Variants in FOXO3 observed in about 807,000 individuals in gnomAD.
FOXO3 encodes the protein forkhead box O3.
In FOXO3, 4 loss-of-function variants were observed where a neutral mutation model predicts 41.9. The ratio of observed to expected loss-of-function variants is 0.10; its 90% CI spans 0.05 to 0.22. The LOEUF (loss-of-function observed/expected upper bound fraction) is 0.22. Among genes scored for constraint, FOXO3 ranks in the 10% least tolerant of loss-of-function variants. FOXO3 has a pLI of 1.00. For missense variants in FOXO3, 534 were observed against 906.8 expected, an observed-to-expected ratio of 0.59 and a Z score of 5.28; for synonymous variants, 318 against 389.3, an observed-to-expected ratio of 0.82 and a Z score of 2.16.
At chr6:108,656,588 G>A (rs894734308) in intron 1 of FOXO3, 2 of 853,090 alleles carry the variant, frequency 2.3e-6, no homozygotes, top group African/African-American at 1.8e-5. Context: ...TCTAACAGTT[G>A]TTGGGAGCTG....
At chr6:108,565,385 CA>C (rs1421019632) in intron 1 of FOXO3, among the ~76,000 whole-genome samples, 1 of 152,192 alleles carries the variant, frequency 6.6e-6, no homozygotes, top group Non-Finnish European at 1.5e-5. Context: ...GAAAAGGTTA[CA>C]TTTCCTTTAA....
chr6:108,656,241 AT>A (rs1464538115), intron 1 of FOXO3: 1 of 343,114 alleles, frequency 2.9e-6, no homozygotes, highest in African/African-American at 2.2e-5. Flanking sequence ...AAGTGAGCAG[AT>A]TTCTTGTTGT....
rs71015551 is a variant in FOXO3, at chr6:108,569,987, G to GTTTTTTTT, written c.621+8181_621+8188dup. On this transcript the variant is annotated intron_variant, in intron 1 of 2. Coordinates refer to ENST00000406360, the MANE Select transcript of FOXO3 (RefSeq NM_001455.4). ...TCCACATCATGTTTTCCCTTGCGTGGTTTTTTTTTTTTTTTTTTTTTTTTT... is the reference window on the plus strand; with the variant it reads ...TCCACATCATGTTTTCCCTTGCGTGGTTTTTTTTTTTTTTTTTTTTTTTTTTTTTTTTT... Among the ~76,000 whole-genome samples the GTTTTTTTT allele has an allele frequency of 3.8e-3, 277 of 73,252 alleles. 35 individuals are homozygous for GTTTTTTTT. Among genetic ancestry groups the GTTTTTTTT allele is most frequent in the East Asian group, 8.4e-3 (21 of 2,496 alleles). 48.1% of individuals were successfully genotyped at this position (73,252 alleles called of 152,430 possible). A position where few individuals can be genotyped will look rare whatever the true frequency, so the allele number is the denominator to read the frequency against.
At chr6:108,610,879 GAA>G (rs1484292190) in intron 1 of FOXO3, among the ~76,000 whole-genome samples, 3 of 152,112 alleles carry the variant, frequency 2.0e-5, no homozygotes, top group African/African-American at 7.2e-5. Flanking sequence ...GTTGTAATTT[GAA>G]AACACTGAAA....
intron 1 of FOXO3, among the ~76,000 whole-genome samples, chr6:108,607,039 T>A (rs112928189): frequency 0.037 from 5,639 of 152,318 alleles, 149 homozygotes; most frequent in Middle Eastern, 0.095. Flanking sequence ...TTCTCAGACT[T>A]GGGGAATTTA....
upstream of FOXO3, chr6:108,560,146 G>GTTT (rs1445759029): frequency 6.6e-6 from 1 of 152,458 alleles, no homozygotes; most frequent in Non-Finnish European, 1.5e-5. Context: ...GCCCGCTAGT[G>GTTT]TTTTTAAAGG....
At chr6:108,560,833 TGCGGCTGG>T (rs1191970185), upstream of FOXO3, 1 of 481,542 alleles carries the variant, frequency 2.1e-6, no homozygotes, top group Non-Finnish European at 3.1e-6. Flanking sequence ...GGGAGGGACC[TGCGGCTGG>T]GCGGCGGGGG....
In FOXO3 at chr6:108,662,917, T is replaced by C. The variant is rs375789343; in HGVS notation, c.622-538T>C. Reference sequence around the variant, plus strand: ...AGGAAAACTACTATCAGTGAGCTTATCTATTCCCAGCATCTCTTGGACATG... The same window carrying C: ...AGGAAAACTACTATCAGTGAGCTTACCTATTCCCAGCATCTCTTGGACATG... On this transcript the variant is annotated intron_variant, in intron 1 of 2. Transcript: ENST00000406360. Among the ~76,000 whole-genome samples the C allele has an allele frequency of 1.1e-4, 16 of 152,336 alleles. No homozygotes were observed. In the East Asian group the frequency reaches 1.7e-3, roughly 17 times the overall value.
At chr6:108,613,929 A>G (rs2802297) in intron 1 of FOXO3, among the ~76,000 whole-genome samples, 148,206 of 152,260 alleles carry the variant, frequency 0.97, 72,285 homozygotes, top group East Asian at 1. Context: ...TTTGCATTCA[A>G]TTCAAAATTG....
chr6:108,609,351 G>C (rs1022729515), intron 1 of FOXO3, among the ~76,000 whole-genome samples: 1 of 152,196 alleles, frequency 6.6e-6, no homozygotes, highest in Admixed American at 6.5e-5. Flanking sequence ...TGAGGGCATT[G>C]TCTGCTATTG....
chr6:108,568,931 A>G (rs1220089459), intron 1 of FOXO3, among the ~76,000 whole-genome samples: 1 of 137,948 alleles, frequency 7.2e-6, no homozygotes, highest in African/African-American at 2.5e-5. Context: ...ACCTTGTTGC[A>G]TTAAGAGAAA....
At chr6:108,665,812 GAAAAAA>G (rs34062396) in intron 2 of FOXO3, among the ~76,000 whole-genome samples, 2 of 125,432 alleles carry the variant, frequency 1.6e-5, no homozygotes, top group Non-Finnish European at 3.2e-5. Context: ...CTATCTCTTA[GAAAAAA>G]AAAAAAAAAA....
intron 1 of FOXO3, among the ~76,000 whole-genome samples, chr6:108,640,869 C>G (rs1267103900): frequency 2.6e-5 from 4 of 152,162 alleles, no homozygotes; most frequent in Non-Finnish European, 5.9e-5. Context: ...GGGCACAATT[C>G]TAGGAATTGA....
At chr6:108,626,266 C>A (rs1777811940) in intron 1 of FOXO3, among the ~76,000 whole-genome samples, 1 of 152,198 alleles carries the variant, frequency 6.6e-6, no homozygotes, top group South Asian at 2.1e-4. Context: ...TTGGCCCAGA[C>A]TCATTGGTCC....
At position 108,617,705 on chromosome 6, in the gene FOXO3, A is replaced by T. The variant is rs541074277; in HGVS notation, c.622-45750A>T. The stretch of plus-strand genomic sequence containing the variant: ...ATATGAAGAGCAGGATGAGCATGCC[A>T]CTAATGGAGAGTGGGGGTGTTTTCA... On this transcript the variant is annotated intron_variant, in intron 1 of 2. Coordinates refer to ENST00000406360, the MANE Select transcript of FOXO3 (RefSeq NM_001455.4). 3.3e-5 allele frequency among the ~76,000 whole-genome samples: 5 copies of T among 152,342 alleles called. No individual in the cohort carries two copies. In the South Asian group the frequency reaches 1.0e-3, roughly 32 times the overall value.
chr6:108,561,929 C>T, intron 1 of FOXO3, 100 bp downstream of exon 1: 1 of 1,446,304 alleles, frequency 6.9e-7, no homozygotes. Flanking sequence ...GGCTCCAGGG[C>T]AAGGGGTTGG....
At chr6:108,634,738 G>A (rs1217868945) in intron 1 of FOXO3, among the ~76,000 whole-genome samples, 2 of 152,078 alleles carry the variant, frequency 1.3e-5, no homozygotes, top group Non-Finnish European at 2.9e-5. Flanking sequence ...CATGAGGCTG[G>A]ATGATGAGTA....
In FOXO3 at chr6:108,561,153, C is replaced by A. The variant is rs956732304; in HGVS notation, c.-56C>A. 5.3e-6 allele frequency: 8 copies of A among 1,496,400 alleles called. No homozygotes were observed. The highest frequency in any genetic ancestry group is 7.1e-6 in the Non-Finnish European group (8 of 1,127,986). 92.7% of individuals were successfully genotyped at this position (1,496,400 alleles called of 1,614,324 possible). A position where few individuals can be genotyped will look rare whatever the true frequency, so the allele number is the denominator to read the frequency against. ...CACGTCCCTCCCCCGCTGCACCCCG[C>A]CCCGGCGCGAGAGGAGAGCGCGAGA... On this transcript the variant is annotated 5_prime_UTR_variant, in exon 1 of 3. Coordinates refer to ENST00000406360, the MANE Select transcript of FOXO3 (RefSeq NM_001455.4).
chr6:108,571,911 TTAA>T (rs1280668353), intron 1 of FOXO3, among the ~76,000 whole-genome samples: 1 of 152,198 alleles, frequency 6.6e-6, no homozygotes, highest in African/African-American at 2.4e-5. Flanking sequence ...AATCAAAGTG[TTAA>T]TAATCATTCA....
Sources: allele counts gnomAD v4.1 joint callset (sites outside exome capture counted in the v4.1 genomes callset), GRCh38; gene constraint gnomAD v4.1.1; transcripts MANE v1.5; gene names NCBI Gene and HGNC (gene_info 2026-07-23, HGNC 2026-07-21).